DCDC1: variants seen among roughly 807,000 people sequenced by gnomAD.
DCDC1 encodes doublecortin domain-containing protein 1.
DCDC1 carries 200 observed loss-of-function variants against 178.3 expected under a neutral mutation model. The ratio of observed to expected loss-of-function variants is 1.12; its 90% CI spans 1.00 to 1.26. The LOEUF is 1.26. Among genes scored for constraint, DCDC1 ranks in the 50% most tolerant of loss-of-function variants. The pLI is 0.00. For missense variants in DCDC1, 1,983 were observed against 1,749.2 expected (o/e 1.13, Z -2.38); for synonymous variants, 690 against 604.8 (o/e 1.14, Z -2.07).
chr11:30,931,894 G>T lies in DCDC1; in HGVS notation c.2774C>A (p.Pro925His), dbSNP rs1946951786. Reference protein sequence around the residue: ...LVPSSPPMKKPICKTTEPYAP... With the variant: ...LVPSSPPMKKHICKTTEPYAP... ...ATATGGCTCTGTTGTCTTACAGATG[G>T]GTTTCTTCATGGGAGGACTGCTCGG... Residue 925 changes from proline (P) to histidine (H), a missense_variant, in exon 22 of 39, where the codon CCC (proline) becomes CAC (histidine). By Grantham distance (77) the Pro-to-His change is moderately conservative (BLOSUM62 -2). Coordinates refer to ENST00000684477, the MANE Select transcript of DCDC1 (RefSeq NM_001387274.1). 1 of 1,612,924 alleles carries T rather than the reference G, an allele frequency of 6.2e-7. No individual in the cohort carries two copies. Among genetic ancestry groups the T allele is most frequent in the African/African-American group, 1.3e-5 (1 of 74,868 alleles).
At chr11:31,295,676 A>G (rs1181650305) in intron 6 of DCDC1, among the ~76,000 whole-genome samples, 1 of 152,078 alleles carries the variant, frequency 6.6e-6, no homozygotes, top group East Asian at 1.9e-4. Context: ...TGTCTTGGCC[A>G]TGCTTCTTCC....
At chr11:31,364,061 AC>A (rs994008669) in intron 1 of DCDC1, among the ~76,000 whole-genome samples, 5 of 152,190 alleles carry the variant, frequency 3.3e-5, no homozygotes, top group African/African-American at 1.2e-4. Context: ...AGGGTAAACA[AC>A]CAATACTCTA....
At chr11:31,065,360 G>T (rs1956187354) in intron 18 of DCDC1, among the ~76,000 whole-genome samples, 1 of 152,090 alleles carries the variant, frequency 6.6e-6, no homozygotes, top group African/African-American at 2.4e-5. Flanking sequence ...ATCTGATTAA[G>T]TTTCACTACA....
At chr11:31,098,048 T>G (rs1958263525) in intron 15 of DCDC1, among the ~76,000 whole-genome samples, 1 of 152,182 alleles carries the variant, frequency 6.6e-6, no homozygotes, top group Admixed American at 6.5e-5. Context: ...TTGTCACTAA[T>G]GTCCTGCTGA....
chr11:31,106,795 A>AAC lies in DCDC1; in HGVS notation c.1751+1_1751+2insGT. ...GACAGAAAACAAACCCCTTGCTCCT[A>AAC]CCTGTATGCTCTACCATAAGAGACC... On this transcript the variant is annotated splice_donor_variant, in intron 13 of 38. Transcript: ENST00000684477. LOFTEE classifies it high-confidence loss of function. 1.3e-6 allele frequency: 1 copy of AAC among 765,982 alleles called. No individual in the cohort carries two copies. Among genetic ancestry groups the AAC allele is most frequent in the South Asian group, 1.3e-5 (1 of 74,586 alleles). The allele number at this position is 765,982 out of a possible 1,614,324, so 47.4% of individuals were successfully genotyped here.
At chr11:30,999,301 T>C in intron 20 of DCDC1, among the ~76,000 whole-genome samples, 1 of 152,204 alleles carries the variant, frequency 6.6e-6, no homozygotes, top group East Asian at 1.9e-4. Flanking sequence ...CTGATAAATG[T>C]ATCATGGTTA....
chr11:31,122,886 T>C lies in DCDC1; in HGVS notation c.1485+4583A>G, dbSNP rs533511347. ...TTTGCACTTTTGAATTTAATCTGCA[T>C]TGTGAATATTTTCTGTCACATACTT... is the stretch of plus-strand genomic sequence containing the variant. On this transcript the variant is annotated intron_variant, in intron 11 of 38. Coordinates refer to ENST00000684477, the MANE Select transcript of DCDC1 (RefSeq NM_001387274.1). Among the ~76,000 whole-genome samples the C allele has an allele frequency of 3.9e-5, 6 of 152,258 alleles. No homozygotes were observed. In the South Asian group the frequency reaches 1.2e-3, roughly 32 times the overall value.
intron 20 of DCDC1, among the ~76,000 whole-genome samples, chr11:30,987,247 C>A (rs1168538416): frequency 1.3e-5 from 2 of 152,006 alleles, no homozygotes; most frequent in African/African-American, 2.4e-5. Flanking sequence ...GTACTCCTGA[C>A]CTCAAGTGAT....
rs181901222 is a variant in DCDC1 at position 30,900,590 on chromosome 11, A to T, written c.4511-92T>A. 2.7e-4 allele frequency: 329 copies of T among 1,224,682 alleles called. 4 individuals carry two copies. In the Admixed American group the frequency reaches 4.3e-3, roughly 16 times the overall value. 75.9% of individuals were successfully genotyped at this position (1,224,682 alleles called of 1,614,324 possible). ...GTTTATTCAAAATATTTTATTATTC[A>T]TTAATAACTTAATTTGATTTAAACA... On this transcript the variant is annotated intron_variant, in intron 32 of 38. Transcript: ENST00000684477.
At chr11:31,345,009 A>T (rs772293767) in intron 1 of DCDC1, among the ~76,000 whole-genome samples, 1 of 152,136 alleles carries the variant, frequency 6.6e-6, no homozygotes, top group African/African-American at 2.4e-5. Context: ...TTTTTTCATA[A>T]ATTTTCTTAT....
chr11:31,038,893 T>G (rs1405695094), intron 20 of DCDC1, among the ~76,000 whole-genome samples: 3 of 151,772 alleles, frequency 2.0e-5, no homozygotes, highest in African/African-American at 7.3e-5. Flanking sequence ...AAGAGAGAGA[T>G]AAAGAAAGTT....
intron 21 of DCDC1, among the ~76,000 whole-genome samples, chr11:30,947,466 A>T (rs1948120603): frequency 6.6e-6 from 1 of 152,182 alleles, no homozygotes; most frequent in Non-Finnish European, 1.5e-5. Flanking sequence ...TGGGAAAAGG[A>T]CACCTTCTTC....
chr11:30,958,825 G>A (rs972130137), intron 20 of DCDC1, among the ~76,000 whole-genome samples: 1 of 152,060 alleles, frequency 6.6e-6, no homozygotes, highest in African/African-American at 2.4e-5. Context: ...ACTGACCTGG[G>A]GAGTGATTGG....
At chr11:31,134,010 T>C (rs1324668306) in intron 10 of DCDC1, among the ~76,000 whole-genome samples, 1 of 152,112 alleles carries the variant, frequency 6.6e-6, no homozygotes, top group Non-Finnish European at 1.5e-5. Flanking sequence ...GCCCAAATAC[T>C]ACCAAATTTT....
At chr11:31,279,894 A>T (rs1946298451) in intron 7 of DCDC1, among the ~76,000 whole-genome samples, 1 of 151,968 alleles carries the variant, frequency 6.6e-6, no homozygotes, top group South Asian at 2.1e-4. Flanking sequence ...ATAAATTAAA[A>T]TAATAATAAT....
rs76919672 is a variant in DCDC1 at position 30,899,865 on chromosome 11, T to C, written c.4664-223A>G. Among the ~76,000 whole-genome samples, 1,061 of 152,244 alleles carry C rather than the reference T, an allele frequency of 7.0e-3. 30 individuals carry two copies. Among genetic ancestry groups the C allele is most frequent in the East Asian group, 0.056 (289 of 5,182 alleles). On this transcript the variant is annotated intron_variant, in intron 33 of 38. Coordinates refer to ENST00000684477, the MANE Select transcript of DCDC1 (RefSeq NM_001387274.1). ...AGAAGAACGATGCTGTTTTATTATA[T>C]AGATTTACCATATGCAATAGCCATA...
intron 20 of DCDC1, among the ~76,000 whole-genome samples, chr11:31,029,821 A>C (rs1032457579): frequency 7.9e-5 from 12 of 152,166 alleles, no homozygotes; most frequent in African/African-American, 2.9e-4. Flanking sequence ...AAAAGAATAC[A>C]TTATTGATAC....
At chr11:31,030,533 C>T (rs1205238459) in intron 20 of DCDC1, among the ~76,000 whole-genome samples, 4 of 152,142 alleles carry the variant, frequency 2.6e-5, no homozygotes, top group Admixed American at 2.6e-4. Flanking sequence ...TAAGCCTGGG[C>T]CCCCAGCTGA....
chr11:31,149,531 T>G (rs1029641432), intron 9 of DCDC1, among the ~76,000 whole-genome samples: 2 of 151,806 alleles, frequency 1.3e-5, no homozygotes, highest in African/African-American at 4.8e-5. Context: ...AGCAACCTGC[T>G]CGGGTTGGCT....
Sources: gnomAD v4.1 joint callset for allele counts (sites outside exome capture counted in the v4.1 genomes callset) on GRCh38, gnomAD v4.1.1 for gene constraint, MANE v1.5 for transcripts, NCBI Gene and HGNC (gene_info 2026-07-23, HGNC 2026-07-21) for gene names.